MVB12B: variants seen among roughly 807,000 people sequenced by gnomAD.
MVB12B encodes multivesicular body subunit 12B.
In MVB12B, 16 loss-of-function variants were observed where a neutral mutation model predicts 41.6. The observed-to-expected ratio is 0.38, with a 90% CI of 0.26 to 0.58. The LOEUF (loss-of-function observed/expected upper bound fraction) is 0.58. Among genes scored for constraint, MVB12B ranks in the 20% least tolerant of loss-of-function variants. The pLI, the probability that MVB12B is intolerant of heterozygous loss-of-function variation, is 0.62. For missense variants in MVB12B, 274 were observed against 380.2 expected (o/e 0.72, Z 2.32); for synonymous variants, 133 against 139.7 (o/e 0.95, Z 0.34).
At position 126,376,471 on chromosome 9, in the gene MVB12B, A is replaced by C. The variant is rs547257548; in HGVS notation, c.205-4593A>C. The C allele has an allele frequency of 3.1e-6, 4 of 1,270,574 alleles. No individual in the cohort carries two copies. The African/African-American group carries it at 4.6e-5, about 15-fold the overall frequency. 78.7% of individuals were successfully genotyped at this position (1,270,574 alleles called of 1,614,324 possible). On this transcript the variant is annotated intron_variant, in intron 2 of 9. Transcript: ENST00000361171. This position sits in a 1 kb window ranked among gnomAD's most constrained non-coding sequence, Gnocchi z 4.1. Reference sequence around the variant, plus strand: ...ATGGAGGCACCAGCTCATGGGCTGGAGCCCTGTGGGTGGGGGGCCTGCTGG... The same window carrying C: ...ATGGAGGCACCAGCTCATGGGCTGGCGCCCTGTGGGTGGGGGGCCTGCTGG...
chr9:126,372,476 G>C (rs939839754), intron 2 of MVB12B, among the ~76,000 whole-genome samples: 1 of 152,166 alleles, frequency 6.6e-6, no homozygotes, highest in African/African-American at 2.4e-5. Context: ...GCTGCACCCT[G>C]TTACAATCCC....
At chr9:126,490,630 A>G (rs1457681006) in intron 9 of MVB12B, among the ~76,000 whole-genome samples, 2 of 152,236 alleles carry the variant, frequency 1.3e-5, no homozygotes, top group Admixed American at 6.5e-5. Flanking sequence ...TAAAGCCGAA[A>G]GATGAGGGAG....
At chr9:126,437,533 G>T (rs953133596) in intron 7 of MVB12B, among the ~76,000 whole-genome samples, 2 of 152,220 alleles carry the variant, frequency 1.3e-5, no homozygotes, top group African/African-American at 4.8e-5. Context: ...AGTGACAGGT[G>T]AGTTGGTGTA....
chr9:126,421,917 G>C lies in MVB12B; in HGVS notation c.726G>C (p.Glu242Asp). Residue 242 changes from glutamate to aspartate, a missense_variant, in exon 7 of 10, where the codon GAG becomes GAC. By Grantham distance (45) the Glu-to-Asp change is conservative. Coordinates refer to ENST00000361171, the MANE Select transcript of MVB12B (RefSeq NM_033446.3). ...GGAACAGCACCCGGACGGACTACGA[G>C]TACCAGCACTCCAATTTGTATGCCA... ...RGRNSTRTDY[E>D]YQHSNLYAIS... 23 of 1,613,940 alleles carry C rather than the reference G, an allele frequency of 1.4e-5. No homozygotes were observed. The highest frequency in any genetic ancestry group is 1.9e-5 in the Non-Finnish European group (22 of 1,179,946).
intron 7 of MVB12B, among the ~76,000 whole-genome samples, chr9:126,462,711 A>G (rs1231010059): frequency 6.6e-6 from 1 of 152,138 alleles, no homozygotes; most frequent in Non-Finnish European, 1.5e-5. Context: ...AGCTGAGACC[A>G]TGGTTAGAGT....
intron 7 of MVB12B, among the ~76,000 whole-genome samples, chr9:126,429,921 A>G (rs1002068366): frequency 9.9e-5 from 15 of 152,200 alleles, no homozygotes; most frequent in Non-Finnish European, 1.9e-4. Context: ...GATGAAGTCC[A>G]TGGTCAGGAT....
At chr9:126,445,370 G>T (rs1434949230) in intron 7 of MVB12B, among the ~76,000 whole-genome samples, 2 of 152,070 alleles carry the variant, frequency 1.3e-5, no homozygotes, top group Non-Finnish European at 2.9e-5. Flanking sequence ...ACAGTGGTGC[G>T]ATCTCGGCTC....
chr9:126,347,268 G>A (rs990120301), intron 2 of MVB12B, among the ~76,000 whole-genome samples: 1 of 152,234 alleles, frequency 6.6e-6, no homozygotes. Flanking sequence ...GCCCCTGCAC[G>A]CTGGGAAGCC....
At position 126,332,063 on chromosome 9, in the gene MVB12B, T is replaced by G. The variant is rs925829485; in HGVS notation, c.81+5053T>G. 2.0e-5 allele frequency among the ~76,000 whole-genome samples: 3 copies of G among 152,328 alleles called. No homozygotes were observed. In the East Asian group the frequency reaches 5.8e-4, roughly 29 times the overall value. ...TTCTTAAGCATTTTATAAGCTTGTT[T>G]CAGAGCCCATCTGCTCCTTGCAGTT... On this transcript the variant is annotated intron_variant, in intron 1 of 9. Coordinates refer to ENST00000361171, the MANE Select transcript of MVB12B (RefSeq NM_033446.3).
At chr9:126,484,089 C>T (rs777506877) in intron 9 of MVB12B, 57 bp downstream of exon 9, 3 of 1,529,286 alleles carry the variant, frequency 2.0e-6, no homozygotes, top group South Asian at 2.2e-5. Context: ...TGCACACCGG[C>T]GTCTCTCGTG....
At chr9:126,487,427 G>A (rs1833643552) in intron 9 of MVB12B, among the ~76,000 whole-genome samples, 1 of 152,190 alleles carries the variant, frequency 6.6e-6, no homozygotes, top group African/African-American at 2.4e-5. Flanking sequence ...GTGGACCAAG[G>A]TCAGCTGTAT....
At chr9:126,426,282 A>G (rs555854314) in intron 7 of MVB12B, among the ~76,000 whole-genome samples, 58 of 152,344 alleles carry the variant, frequency 3.8e-4, no homozygotes, top group African/African-American at 1.3e-3. Context: ...TGTAAACAAA[A>G]TATTTCAAAA....
Position 126,484,023 on chromosome 9 carries a change from C to T in MVB12B, c.864C>T (p.Ile288=), listed in dbSNP as rs367876106. 3.7e-6 allele frequency: 6 copies of T among 1,613,912 alleles called. No homozygotes were observed. Among genetic ancestry groups the T allele is most frequent in the Admixed American group, 1.7e-5 (1 of 60,016 alleles). Residue 288 remains isoleucine (I), a synonymous_variant, in exon 9 of 10, where the codon ATC becomes ATT. Transcript: ENST00000361171. ...TCACCATCAAATCTCTAGCAGAAATCGAAAAAGAGGTAAGCAAGCCATCAG... is the reference window on the plus strand; with the variant it reads ...TCACCATCAAATCTCTAGCAGAAATTGAAAAAGAGGTAAGCAAGCCATCAG... ...LGITIKSLAE[I]EKEYEYSFRT...
intron 6 of MVB12B, among the ~76,000 whole-genome samples, chr9:126,409,842 A>C (rs1157747135): frequency 6.6e-6 from 1 of 152,258 alleles, no homozygotes; most frequent in African/African-American, 2.4e-5. Flanking sequence ...CACCCTAATT[A>C]AATATTCAAA....
At chr9:126,450,913 C>A (rs1832876182) in intron 7 of MVB12B, among the ~76,000 whole-genome samples, 1 of 152,214 alleles carries the variant, frequency 6.6e-6, no homozygotes, top group South Asian at 2.1e-4. Flanking sequence ...GGATGTCCTT[C>A]AGCCCTGCAG....
At chr9:126,439,476 T>G (rs7869601) in intron 7 of MVB12B, among the ~76,000 whole-genome samples, 32,026 of 152,198 alleles carry the variant, frequency 0.21, 4,041 homozygotes, top group South Asian at 0.29. Context: ...AGAATATTTT[T>G]GGTTAAACTC....
chr9:126,420,649 ACTC>A (rs1337767244), intron 6 of MVB12B, among the ~76,000 whole-genome samples: 3 of 140,056 alleles, frequency 2.1e-5, no homozygotes, highest in Non-Finnish European at 4.5e-5. Flanking sequence ...AATGGCATGA[ACTC>A]AGCTCACTGC....
At chr9:126,397,600 A>C in intron 6 of MVB12B, 2 of 985,420 alleles carry the variant, frequency 2.0e-6, no homozygotes, top group Non-Finnish European at 2.4e-6. Flanking sequence ...TTGAATGTTC[A>C]TTAGTGCTTC....
chr9:126,332,358 G>A (rs1433387759), intron 1 of MVB12B, among the ~76,000 whole-genome samples: 2 of 152,158 alleles, frequency 1.3e-5, no homozygotes, highest in African/African-American at 2.4e-5. Flanking sequence ...GCACTCTCCA[G>A]TCTCAGTCCC....
Sources: gnomAD v4.1 joint callset for allele counts (sites outside exome capture counted in the v4.1 genomes callset) on GRCh38, gnomAD v4.1.1 for gene constraint, Gnocchi (gnomAD v3.1) non-coding constraint, MANE v1.5 for transcripts, NCBI Gene and HGNC (gene_info 2026-07-23, HGNC 2026-07-21) for gene names.